Variants in MYMX observed in about 807,000 individuals in gnomAD.
MYMX encodes myomixer, myoblast fusion factor, also known as protein myomixer.
chr6:44,213,275 A>C (rs1161886263), upstream of MYMX, among the ~76,000 whole-genome samples: 1 of 151,646 alleles, frequency 6.6e-6, no homozygotes, highest in Non-Finnish European at 1.5e-5. Flanking sequence ...AGTCCCAGCT[A>C]CTCGGGAGGC....
At chr6:44,199,543 C>CT in the MYMX span, among the ~76,000 whole-genome samples, 2 of 152,144 alleles carry the variant, frequency 1.3e-5, no homozygotes, top group East Asian at 1.9e-4. Flanking sequence ...TATTCTTGGT[C>CT]TTTTTTTCCC....
At chr6:44,207,603 G>T in the MYMX span, among the ~76,000 whole-genome samples, 2 of 151,788 alleles carry the variant, frequency 1.3e-5, no homozygotes, top group African/African-American at 4.8e-5. Context: ...CATGGTCTCG[G>T]TTAACTGTAA....
In MYMX at chr6:44,218,223, A is replaced by G. The variant is rs183333253; in HGVS notation, c.*497A>G. 6.5e-6 allele frequency: 1 copy of G among 153,318 alleles called. No homozygotes were observed. The highest frequency in any genetic ancestry group is 6.5e-5 in the Admixed American group (1 of 15,300). The allele number at this position is 153,318 out of a possible 1,614,324, so 9.5% of individuals were successfully genotyped here. On this transcript the variant is annotated 3_prime_UTR_variant, in exon 2 of 2. Coordinates refer to ENST00000573382, the MANE Select transcript of MYMX (RefSeq NM_001315494.2). ...TCAGCAAGTGCTCAATAAATATTTG[A>G]TTTGAATTCTTTCCATGGCTTTGAA...
At chr6:44,216,495 CA>C (rs1259407201), upstream of MYMX, among the ~76,000 whole-genome samples, 3 of 151,586 alleles carry the variant, frequency 2.0e-5, no homozygotes, top group African/African-American at 7.3e-5. Context: ...ACTACAAATA[CA>C]AAAAAATTAG....
chr6:44,198,231 C>T, the MYMX span, among the ~76,000 whole-genome samples: 1 of 135,438 alleles, frequency 7.4e-6, no homozygotes, highest in Non-Finnish European at 1.5e-5. Flanking sequence ...GGTGCGATCT[C>T]GGCTCACTGC....
chr6:44,194,750 G>A, the MYMX span, among the ~76,000 whole-genome samples: 477 of 152,210 alleles, frequency 3.1e-3, 4 homozygotes, highest in African/African-American at 0.011. Flanking sequence ...ACACTGCCTC[G>A]ACTTCTGGGG....
At chr6:44,211,387 G>A in the MYMX span, among the ~76,000 whole-genome samples, 1 of 152,062 alleles carries the variant, frequency 6.6e-6, no homozygotes, top group Non-Finnish European at 1.5e-5. Context: ...TTTTTGGGGG[G>A]TAAAGGAAAA....
chr6:44,200,514 C>G, the MYMX span, among the ~76,000 whole-genome samples: 1 of 152,196 alleles, frequency 6.6e-6, no homozygotes, highest in East Asian at 1.9e-4. Flanking sequence ...GGTGTTTTAC[C>G]TTGTTGGTCA....
chr6:44,196,584 C>T, the MYMX span, among the ~76,000 whole-genome samples: 1 of 152,150 alleles, frequency 6.6e-6, no homozygotes, highest in Admixed American at 6.5e-5. Context: ...AAGGCTGAGG[C>T]ACGAGAATCA....
At chr6:44,207,586 G>A in the MYMX span, among the ~76,000 whole-genome samples, 7 of 151,862 alleles carry the variant, frequency 4.6e-5, no homozygotes, top group Non-Finnish European at 1.0e-4. Flanking sequence ...AGGCTGGAGT[G>A]CAATGGCATG....
the MYMX span, among the ~76,000 whole-genome samples, chr6:44,193,319 G>T: frequency 6.6e-6 from 1 of 151,834 alleles, no homozygotes; most frequent in Non-Finnish European, 1.5e-5. Flanking sequence ...CCCAGGCTGG[G>T]TGTAATCCCA....
the MYMX span, among the ~76,000 whole-genome samples, chr6:44,202,051 C>T: frequency 0.18 from 28,069 of 151,958 alleles, 3,309 homozygotes; most frequent in Non-Finnish European, 0.25. Context: ...TGCTCTTGAG[C>T]GCCTGGGTGG....
the MYMX span, among the ~76,000 whole-genome samples, chr6:44,198,710 A>AT: frequency 6.5e-4 from 88 of 135,532 alleles, no homozygotes; most frequent in Admixed American, 6.6e-4. Flanking sequence ...TGCCACCAGA[A>AT]TTTTTTTTTT....
At chr6:44,211,631 T>C in the MYMX span, among the ~76,000 whole-genome samples, 2 of 150,948 alleles carry the variant, frequency 1.3e-5, no homozygotes, top group Non-Finnish European at 2.9e-5. Flanking sequence ...TTTTTTTTTT[T>C]TTTGGACACG....
the MYMX span, among the ~76,000 whole-genome samples, chr6:44,196,151 C>A: frequency 7.3e-3 from 1,115 of 152,116 alleles, 17 homozygotes; most frequent in African/African-American, 0.026. Flanking sequence ...CTATGTTGGC[C>A]AGGCTAGTCT....
chr6:44,202,318 T>G, the MYMX span, among the ~76,000 whole-genome samples: 17 of 152,178 alleles, frequency 1.1e-4, no homozygotes, highest in Middle Eastern at 3.4e-3. Context: ...TCATCCAGAA[T>G]GTTTCTGGAT....
chr6:44,204,503 G>A, the MYMX span, among the ~76,000 whole-genome samples: 1 of 152,158 alleles, frequency 6.6e-6, no homozygotes. Context: ...TTTCAAGCTG[G>A]TTATTTTAAG....
rs141609707 is a variant in MYMX at position 44,217,479 on chromosome 6, C to T, written c.8C>T (p.Thr3Met). 1.5e-5 allele frequency: 6 copies of T among 403,644 alleles called. No individual in the cohort carries two copies. The highest frequency in any genetic ancestry group is 2.2e-5 in the Non-Finnish European group (5 of 228,650). The allele number at this position is 403,644 out of a possible 1,614,324, so 25.0% of individuals were successfully genotyped here. ...TGACTCACTGGCCCTGCCATGCCCA[C>T]GCCACTGCTCCCGCTGCTGCTTCGA... is the stretch of plus-strand genomic sequence containing the variant. MP[T>M]PLLPLLLRLL... is the part of the protein sequence containing the mutation. Residue 3 changes from threonine (T) to methionine (M), a missense_variant, in exon 2 of 2, where the codon ACG becomes ATG. Thr to Met is a moderately conservative substitution (Grantham distance 81). Transcript: ENST00000573382.
At chr6:44,207,295 C>A in the MYMX span, among the ~76,000 whole-genome samples, 2 of 151,938 alleles carry the variant, frequency 1.3e-5, no homozygotes, top group African/African-American at 2.4e-5. Context: ...CCCACCACCA[C>A]GCCTGGCTAA....
Sources: allele counts gnomAD v4.1 joint callset (sites outside exome capture counted in the v4.1 genomes callset), GRCh38; gene constraint gnomAD v4.1.1; transcripts MANE v1.5; gene names NCBI Gene and HGNC (gene_info 2026-07-23, HGNC 2026-07-21).